Variants in SYT7 observed in about 807,000 individuals in gnomAD.
SYT7 encodes synaptotagmin 7.
A neutral mutation model predicts 75.1 loss-of-function variants in SYT7; 29 were observed. The ratio of observed to expected loss-of-function variants is 0.39; its 90% CI spans 0.29 to 0.53. SYT7 has a LOEUF of 0.53. Ranked by LOEUF, SYT7 falls within the 20% of genes least tolerant of loss-of-function variation. The pLI is 0.77. For missense variants in SYT7, 693 were observed against 953.2 expected (o/e 0.73, Z 3.59); for synonymous variants, 376 against 401.7 (o/e 0.94, Z 0.76).
intron 2 of SYT7, among the ~76,000 whole-genome samples, chr11:61,555,125 C>G (rs1245474567): frequency 1.3e-5 from 2 of 152,220 alleles, no homozygotes; most frequent in East Asian, 1.9e-4. Flanking sequence ...AGTGCTCCCC[C>G]CTTGTCCTTA....
At position 61,518,584 on chromosome 11, in the gene SYT7, G is replaced by T; in HGVS notation, c.*43C>A. ...GTGCATAAAGTGGTGAGGGCATGAT[G>T]GGGACCTGGGCCCTCGGCCCCCTGG... is the stretch of plus-strand genomic sequence containing the variant. On this transcript the variant is annotated 3_prime_UTR_variant, in exon 13 of 13. Coordinates refer to ENST00000539008, the MANE Select transcript of SYT7 (RefSeq NM_001365809.2). 7.1e-7 allele frequency: 1 copy of T among 1,413,850 alleles called. No individual in the cohort carries two copies. Among genetic ancestry groups the T allele is most frequent in the Admixed American group, 2.2e-5 (1 of 45,978 alleles). 87.6% of individuals were successfully genotyped at this position (1,413,850 alleles called of 1,614,324 possible).
At chr11:61,568,567 G>A (rs148666503) in intron 1 of SYT7, among the ~76,000 whole-genome samples, 22 of 152,326 alleles carry the variant, frequency 1.4e-4, no homozygotes, top group Non-Finnish European at 2.8e-4. Flanking sequence ...GGAGGTGACC[G>A]CTCAGGCTGG....
At position 61,546,535 on chromosome 11, in the gene SYT7, C is replaced by CACGACA. The variant is rs2063196008; in HGVS notation, c.348-286_348-281dup. On this transcript the variant is annotated intron_variant, in intron 4 of 12. Coordinates refer to ENST00000539008, the MANE Select transcript of SYT7 (RefSeq NM_001365809.2). The surrounding 1 kb of genome is among the most constrained non-coding windows in gnomAD (Gnocchi z 7.6). Reference sequence around the variant, plus strand: ...GGCTGGGGGTCGGAGAACAACGCACCACGACAACGGAGGGGGGGCCCCTCC... The same window carrying CACGACA: ...GGCTGGGGGTCGGAGAACAACGCACCACGACAACGACAACGGAGGGGGGGCCCCTCC... 1.6e-5 allele frequency: 8 copies of CACGACA among 486,248 alleles called. No individual in the cohort carries two copies. Among genetic ancestry groups the CACGACA allele is most frequent in the Non-Finnish European group, 3.1e-5 (8 of 261,206 alleles). The allele number at this position is 486,248 out of a possible 1,614,324, so 30.1% of individuals were successfully genotyped here. A position where few individuals can be genotyped will look rare whatever the true frequency, so the allele number is the denominator to read the frequency against.
intron 1 of SYT7, among the ~76,000 whole-genome samples, chr11:61,573,173 G>A (rs1159848901): frequency 6.6e-6 from 1 of 152,186 alleles, no homozygotes; most frequent in Non-Finnish European, 1.5e-5. Context: ...GGCCCCTCCT[G>A]GGCCTGGCCC....
At chr11:61,567,540 G>T (rs2063804435) in intron 1 of SYT7, among the ~76,000 whole-genome samples, 1 of 152,214 alleles carries the variant, frequency 6.6e-6, no homozygotes, top group South Asian at 2.1e-4. Flanking sequence ...TCAACCCTCA[G>T]CTGAAGCTAT....
At chr11:61,588,383 G>A in the SYT7 span, 1 of 152,352 alleles carries the variant, frequency 6.6e-6, no homozygotes, top group Non-Finnish European at 1.5e-5. Flanking sequence ...GAAGGTGAGA[G>A]GGTTGAGGCG....
rs1478517966 is a variant in SYT7 at position 61,538,977 on chromosome 11, T to A, written c.942-711A>T. Reference sequence around the variant, plus strand: ...ATCAGAGGAGAATGAAAGTCCTTTGTGGTATATGGCAACTCGGCCATAGTG... The same window carrying A: ...ATCAGAGGAGAATGAAAGTCCTTTGAGGTATATGGCAACTCGGCCATAGTG... On this transcript the variant is annotated intron_variant, in intron 6 of 12. Transcript: ENST00000539008. Among the ~76,000 whole-genome samples, 3 of 152,308 alleles carry A rather than the reference T, an allele frequency of 2.0e-5. No individual in the cohort carries two copies. The East Asian group carries it at 5.8e-4, about 29-fold the overall frequency.
chr11:61,560,197 A>G (rs367703182), intron 1 of SYT7, among the ~76,000 whole-genome samples: 1 of 152,090 alleles, frequency 6.6e-6, no homozygotes, highest in African/African-American at 2.4e-5. Context: ...CAGATTCTAT[A>G]CCCTTTGCTT....
upstream of SYT7, among the ~76,000 whole-genome samples, chr11:61,581,883 T>TC (rs1440889605): frequency 1.3e-5 from 2 of 152,130 alleles, no homozygotes; most frequent in Non-Finnish European, 1.5e-5. Context: ...CCTCTCTTGG[T>TC]CCCCTCTGCC....
intron 8 of SYT7, 121 bp downstream of exon 8, chr11:61,532,868 G>A (rs1032994968): frequency 2.8e-5 from 40 of 1,417,288 alleles, no homozygotes; most frequent in Non-Finnish European, 3.2e-5. Flanking sequence ...GGCTGCTTCT[G>A]ACCCAGTTCC....
In SYT7 at chr11:61,524,895, G is replaced by A. The variant is rs552094211; in HGVS notation, c.1472-363C>T. ...AGTGGCTGAGCAGCCTCTGCCAATC[G>A]TCCCGAGGCGGGTCTGGGCAAGTGG... On this transcript the variant is annotated intron_variant, in intron 9 of 12. Transcript: ENST00000539008. The surrounding 1 kb of genome is among the most constrained non-coding windows in gnomAD (Gnocchi z 4.1). The A allele has an allele frequency of 8.0e-5, 14 of 175,064 alleles. No homozygotes were observed. Among genetic ancestry groups the A allele is most frequent in the African/African-American group, 2.4e-4 (10 of 41,916 alleles). The allele number at this position is 175,064 out of a possible 1,614,324, so 10.8% of individuals were successfully genotyped here.
chr11:61,546,337 T>C lies in SYT7; in HGVS notation c.348-82A>G, dbSNP rs1388578660. ...AGAGAGGGCAGGCCATACGTGGGGG[T>C]CGGGGGGTGGAAGAGGAAGAAAAAC... is the stretch of plus-strand genomic sequence containing the variant. On this transcript the variant is annotated intron_variant, in intron 4 of 12. Transcript: ENST00000539008. This position sits in a 1 kb window ranked among gnomAD's most constrained non-coding sequence, Gnocchi z 7.6. The C allele has an allele frequency of 1.1e-6, 1 of 928,914 alleles. No individual in the cohort carries two copies. The highest frequency in any genetic ancestry group is 1.8e-5 in the African/African-American group (1 of 55,194). 57.5% of individuals were successfully genotyped at this position (928,914 alleles called of 1,614,324 possible).
At chr11:61,544,295 C>G (rs1395309849) in intron 5 of SYT7, among the ~76,000 whole-genome samples, 1 of 152,204 alleles carries the variant, frequency 6.6e-6, no homozygotes, top group Non-Finnish European at 1.5e-5. Context: ...TGCTCACCCT[C>G]TGAGCCTACC....
chr11:61,537,759 C>T (rs1252321766), intron 7 of SYT7, among the ~76,000 whole-genome samples: 1 of 127,434 alleles, frequency 7.8e-6, no homozygotes, highest in Admixed American at 7.6e-5. Flanking sequence ...TCCCTTACAT[C>T]CCCCCCGCCC....
Position 61,576,766 on chromosome 11 carries a change from C to T in SYT7, c.31+4024G>A, listed in dbSNP as rs953109835. On this transcript the variant is annotated intron_variant, in intron 1 of 12. Transcript: ENST00000539008. The surrounding 1 kb of genome is among the most constrained non-coding windows in gnomAD (Gnocchi z 4.1). ...GGCAGGAGGGGGAGGGAACCATATA[C>T]GGCTCCTCTGCCTGTTCCACACAAC... Among the ~76,000 whole-genome samples, 12 of 152,110 alleles carry T rather than the reference C, an allele frequency of 7.9e-5. No individual in the cohort carries two copies. Among genetic ancestry groups the T allele is most frequent in the Admixed American group, 7.9e-4 (12 of 15,280 alleles).
chr11:61,524,691 A>G lies in SYT7; in HGVS notation c.1472-159T>C. The G allele has an allele frequency of 1.7e-6, 1 of 603,950 alleles. No homozygotes were observed. The highest frequency in any genetic ancestry group is 2.8e-6 in the Non-Finnish European group (1 of 356,870). 37.4% of individuals were successfully genotyped at this position (603,950 alleles called of 1,614,324 possible). The stretch of plus-strand genomic sequence containing the variant: ...ACCGGATTGCAATTAGACCTTACTG[A>G]AGTGCTAGCAAGAACTGTCACCGTC... On this transcript the variant is annotated intron_variant, in intron 9 of 12. Coordinates refer to ENST00000539008, the MANE Select transcript of SYT7 (RefSeq NM_001365809.2). This position sits in a 1 kb window ranked among gnomAD's most constrained non-coding sequence, Gnocchi z 4.1.
At chr11:61,537,398 C>G (rs1387031395) in intron 7 of SYT7, among the ~76,000 whole-genome samples, 3 of 151,438 alleles carry the variant, frequency 2.0e-5, no homozygotes, top group African/African-American at 7.3e-5. Flanking sequence ...ATAGCTGAGG[C>G]TGTGGCAGTT....
intron 3 of SYT7, among the ~76,000 whole-genome samples, chr11:61,547,721 G>T (rs965417931): frequency 6.6e-6 from 1 of 152,218 alleles, no homozygotes; most frequent in South Asian, 2.1e-4. Flanking sequence ...GGAGAGTGCT[G>T]GTTTCTGGCT....
At position 61,549,626 on chromosome 11, in the gene SYT7, C is replaced by T. The variant is rs184192605; in HGVS notation, c.215+1758G>A. On this transcript the variant is annotated intron_variant, in intron 3 of 12. Transcript: ENST00000539008. ...CACTGACTTGGGACCTTTCTGTTCT[C>T]TGGAAAGAAGCAAAGGCCTAGGTGC... 1.1e-3 allele frequency among the ~76,000 whole-genome samples: 173 copies of T among 152,346 alleles called. 1 individual carries two copies. The highest frequency in any genetic ancestry group is 3.4e-3 in the Middle Eastern group (1 of 294).
Sources: allele counts gnomAD v4.1 joint callset (sites outside exome capture counted in the v4.1 genomes callset), GRCh38; gene constraint gnomAD v4.1.1; non-coding constraint Gnocchi (gnomAD v3.1); transcripts MANE v1.5; gene names NCBI Gene and HGNC (gene_info 2026-07-23, HGNC 2026-07-21).